GRAMD1B: variants seen among roughly 807,000 people sequenced by gnomAD.
The protein encoded by GRAMD1B is GRAM domain containing 1B.
GRAMD1B carries 37 observed loss-of-function variants against 99.7 expected under a neutral mutation model. The observed-to-expected ratio is 0.37, with a 90% CI of 0.29 to 0.49. The LOEUF (loss-of-function observed/expected upper bound fraction) is 0.49, where lower values mean the gene tolerates loss of function less well. GRAMD1B is among the 20% of genes least tolerant of loss of function. The pLI is 0.98. For missense variants in GRAMD1B, 888 were observed against 1,009.2 expected (o/e 0.88, Z 1.63); for synonymous variants, 427 against 387.6 (o/e 1.10, Z -1.19).
At chr11:123,584,867 G>T (rs1358810896) in intron 4 of GRAMD1B, among the ~76,000 whole-genome samples, 1 of 152,160 alleles carries the variant, frequency 6.6e-6, no homozygotes, top group African/African-American at 2.4e-5. Context: ...GTGTGGCGTG[G>T]GGCCACTGTC....
At chr11:123,420,568 G>C (rs958416632) in intron 1 of GRAMD1B, among the ~76,000 whole-genome samples, 1 of 152,138 alleles carries the variant, frequency 6.6e-6, no homozygotes, top group Non-Finnish European at 1.5e-5. Flanking sequence ...GAAATTTAGG[G>C]AACAGATAGA....
chr11:123,434,305 G>T (rs1257351988), intron 1 of GRAMD1B, among the ~76,000 whole-genome samples: 1 of 151,330 alleles, frequency 6.6e-6, no homozygotes, highest in South Asian at 2.1e-4. Flanking sequence ...GCAGACTCTG[G>T]ATTCAAATTC....
At position 123,608,797 on chromosome 11, in the gene GRAMD1B, T is replaced by A. The variant is rs771808457; in HGVS notation, c.1652T>A (p.Phe551Tyr). Residue 551 changes from phenylalanine to tyrosine, a missense_variant, in exon 12 of 20, where the codon TTC becomes TAC. By Grantham distance (22) the Phe-to-Tyr change is conservative. Coordinates refer to ENST00000635736, the MANE Select transcript of GRAMD1B (RefSeq NM_001387025.1). ...CGGGATTTCATGGAGCAGCGGCGCT[T>A]CTCTGGTCCGTTCTGCTGGGACTGT... is the stretch of plus-strand genomic sequence containing the variant. ...FQRDFMEQRR[F>Y]SDIIFHPWKK... 43 of 1,544,500 alleles carry A rather than the reference T, an allele frequency of 2.8e-5. No homozygotes were observed. Among genetic ancestry groups the A allele is most frequent in the Non-Finnish European group, 3.5e-6 (4 of 1,142,032 alleles).
chr11:123,562,108 G>C (rs1443988463), intron 2 of GRAMD1B, among the ~76,000 whole-genome samples: 1 of 152,146 alleles, frequency 6.6e-6, no homozygotes, highest in Non-Finnish European at 1.5e-5. Flanking sequence ...CCAGCACTTC[G>C]GGATCTGAGG....
chr11:123,598,376 G>GT, intron 7 of GRAMD1B: 1 of 1,010,756 alleles, frequency 9.9e-7, no homozygotes, highest in Non-Finnish European at 1.6e-6. Context: ...GCTCTTTTTC[G>GT]TCTTCCTCTC....
chr11:123,567,831 T>C (rs1386091127), intron 2 of GRAMD1B, among the ~76,000 whole-genome samples: 2 of 152,230 alleles, frequency 1.3e-5, no homozygotes, highest in Non-Finnish European at 2.9e-5. Context: ...CTATCACCTC[T>C]CTGGACTGAG....
At chr11:123,398,102 A>G (rs1251845108) in intron 1 of GRAMD1B, among the ~76,000 whole-genome samples, 1 of 152,238 alleles carries the variant, frequency 6.6e-6, no homozygotes, top group Non-Finnish European at 1.5e-5. Flanking sequence ...AATACTCAGG[A>G]GTGAAATTGC....
intron 1 of GRAMD1B, among the ~76,000 whole-genome samples, chr11:123,457,902 G>A (rs1950232989): frequency 6.6e-6 from 1 of 151,978 alleles, no homozygotes; most frequent in Non-Finnish European, 1.5e-5. Context: ...TTTTTGTAGA[G>A]ACAGGGTCCT....
In GRAMD1B at chr11:123,609,871, C is replaced by G. The variant is rs1953301522; in HGVS notation, c.1734C>G (p.Thr578=). The change falls in exon 13 of 20, where the codon ACC becomes ACG. Residue 578 remains threonine (T), a synonymous_variant. Transcript: ENST00000635736. ...TGATTCTTTACACCATCACCCTTAC[C>G]AACCCTCTGGCTCCCAAAACTGCCA... ...SRVILYTITL[T]NPLAPKTATV... is the part of the protein sequence containing the mutation. 3 of 1,601,202 alleles carry G rather than the reference C, an allele frequency of 1.9e-6. No homozygotes were observed. Among genetic ancestry groups the G allele is most frequent in the Non-Finnish European group, 2.6e-6 (3 of 1,173,580 alleles).
chr11:123,415,381 G>A (rs1476408610), intron 1 of GRAMD1B, among the ~76,000 whole-genome samples: 1 of 151,976 alleles, frequency 6.6e-6, no homozygotes, highest in Non-Finnish European at 1.5e-5. Flanking sequence ...GATTACAGGC[G>A]TGAGCCACCG....
intron 2 of GRAMD1B, among the ~76,000 whole-genome samples, chr11:123,558,109 G>A (rs1946348997): frequency 2.0e-5 from 3 of 150,148 alleles, no homozygotes; most frequent in South Asian, 2.1e-4. Flanking sequence ...TCAGCCTCCC[G>A]AGTAGCTGGG....
At chr11:123,481,412 C>A (rs1951599349) in intron 2 of GRAMD1B, among the ~76,000 whole-genome samples, 2 of 152,330 alleles carry the variant, frequency 1.3e-5, no homozygotes, top group South Asian at 4.1e-4. Context: ...CAAGATCGCG[C>A]TACTGCACTC....
intron 1 of GRAMD1B, among the ~76,000 whole-genome samples, chr11:123,478,018 C>A (rs559534778): frequency 1.3e-5 from 2 of 152,226 alleles, no homozygotes; most frequent in South Asian, 4.1e-4. Context: ...ATCTCAAACT[C>A]CTGATCTCAG....
intron 2 of GRAMD1B, among the ~76,000 whole-genome samples, chr11:123,561,975 G>A (rs1946821250): frequency 6.6e-6 from 1 of 152,150 alleles, no homozygotes; most frequent in Non-Finnish European, 1.5e-5. Flanking sequence ...AGCTAGTCCG[G>A]TTACCTCTGT....
Position 123,600,501 on chromosome 11 carries a change from A to G in GRAMD1B, c.1003A>G (p.Thr335Ala), listed in dbSNP as rs1444981884. Residue 335 changes from threonine (T) to alanine (A), a missense_variant, in exon 8 of 20, where the codon ACA (threonine) becomes GCA (alanine). Physicochemically the swap from Thr to Ala is moderately conservative, Grantham distance 58. This residue lies in a region of GRAMD1B where 269 missense variants were observed against 296.6 expected (regional missense o/e 0.91). Coordinates refer to ENST00000635736, the MANE Select transcript of GRAMD1B (RefSeq NM_001387025.1). The part of the protein sequence containing the change: ...FFTSFGARDR[T>A]YMMMFRLWQN... ...CACTTCGTTTGGGGCCCGGGATAGG[A>G]CATATATGATGATGTTCCGGCTCTG... 1.2e-6 allele frequency: 2 copies of G among 1,612,722 alleles called. No individual in the cohort carries two copies. Among genetic ancestry groups the G allele is most frequent in the Non-Finnish European group, 1.7e-6 (2 of 1,179,036 alleles).
At chr11:123,618,661 C>A in intron 17 of GRAMD1B, 32 bp from the exon 18 acceptor site, 2 of 1,198,610 alleles carry the variant, frequency 1.7e-6, no homozygotes, top group Non-Finnish European at 2.4e-6. Flanking sequence ...CATCTCACTG[C>A]TGATGTTTTT....
chr11:123,608,614 C>A (rs1167170848), intron 11 of GRAMD1B, 45 bp from the exon 12 acceptor site: 1 of 1,563,312 alleles, frequency 6.4e-7, no homozygotes, highest in Non-Finnish European at 8.7e-7. Flanking sequence ...GGCCCCCTCC[C>A]CCTCCGCTGT....
chr11:123,578,962 CCCACT>C (rs905555105), intron 3 of GRAMD1B, among the ~76,000 whole-genome samples: 3 of 152,172 alleles, frequency 2.0e-5, no homozygotes, highest in African/African-American at 7.2e-5. Context: ...TCTGTTCCTC[CCCACT>C]CGAGAGCTGC....
At chr11:123,431,271 GC>G (rs903850999) in intron 1 of GRAMD1B, 105 bp downstream of exon 1, 22 of 597,004 alleles carry the variant, frequency 3.7e-5, no homozygotes, top group Non-Finnish European at 6.6e-5. Context: ...GAGAACAGGA[GC>G]CCGTCACCAG....
Sources: allele counts gnomAD v4.1 joint callset (sites outside exome capture counted in the v4.1 genomes callset), GRCh38; gene constraint gnomAD v4.1.1; regional missense constraint gnomAD v4.1.1; transcripts MANE v1.5; gene names NCBI Gene and HGNC (gene_info 2026-07-23, HGNC 2026-07-21).